The following TFDP2 variants were observed in gnomAD, a reference collection of about 807,000 sequenced individuals.
TFDP2 encodes transcription factor Dp-2 (E2F dimerization partner 2).
In TFDP2, 17 loss-of-function variants were observed where a neutral mutation model predicts 59.3. The observed-to-expected ratio is 0.29, with a 90% CI of 0.20 to 0.43. The LOEUF (loss-of-function observed/expected upper bound fraction) is 0.43, where lower values mean the gene tolerates loss of function less well. Ranked by LOEUF, TFDP2 falls within the 20% of genes least tolerant of loss-of-function variation. The pLI, the probability that TFDP2 is intolerant of heterozygous loss-of-function variation, is 1.00. For missense variants in TFDP2, 391 were observed against 528.8 expected (o/e 0.74, Z 2.56); for synonymous variants, 180 against 194.7 (o/e 0.92, Z 0.63).
At chr3:141,959,415 G>A (rs978318212) in intron 11 of TFDP2, among the ~76,000 whole-genome samples, 6 of 152,132 alleles carry the variant, frequency 3.9e-5, no homozygotes, top group African/African-American at 1.4e-4. Flanking sequence ...TCTCTCTGAA[G>A]AGCCAAATTC....
At chr3:142,023,623 C>T (rs1372106825) in intron 3 of TFDP2, among the ~76,000 whole-genome samples, 2 of 152,124 alleles carry the variant, frequency 1.3e-5, no homozygotes, top group African/African-American at 4.8e-5. Context: ...TTTATAATAC[C>T]ATGCACTAAG....
intron 6 of TFDP2, among the ~76,000 whole-genome samples, chr3:141,992,056 AG>A (rs1942835612): frequency 6.7e-6 from 1 of 148,198 alleles, no homozygotes. Context: ...AAAAAAAAAA[AG>A]AAAGAAAAGA....
intron 3 of TFDP2, among the ~76,000 whole-genome samples, chr3:142,074,704 T>C (rs1398327160): frequency 6.6e-6 from 1 of 151,622 alleles, no homozygotes; most frequent in Non-Finnish European, 1.5e-5. Flanking sequence ...ATACAAAAAT[T>C]AGCCAGGCAT....
intron 1 of TFDP2, among the ~76,000 whole-genome samples, chr3:142,110,086 A>T (rs1459994975): frequency 6.6e-6 from 1 of 151,866 alleles, no homozygotes; most frequent in African/African-American, 2.4e-5. Flanking sequence ...GTTTCGCCAC[A>T]TTGCCCAGGC....
intron 1 of TFDP2, among the ~76,000 whole-genome samples, chr3:142,102,768 A>G (rs2061352513): frequency 6.6e-6 from 1 of 152,232 alleles, no homozygotes; most frequent in Admixed American, 6.5e-5. Context: ...TGAGATGGAT[A>G]CAGCATGAAT....
At chr3:141,969,939 G>A in intron 9 of TFDP2, 134 bp downstream of exon 9, 2 of 800,912 alleles carry the variant, frequency 2.5e-6, no homozygotes, top group Non-Finnish European at 2.2e-6. Context: ...AACAAGCTAG[G>A]AGGTGAGAGA....
chr3:141,987,135 C>G (rs1942182197), intron 6 of TFDP2, among the ~76,000 whole-genome samples: 1 of 152,126 alleles, frequency 6.6e-6, no homozygotes, highest in South Asian at 2.1e-4. Flanking sequence ...TGTTTCTTGG[C>G]TTACTGCACT....
chr3:141,996,297 G>A (rs539451613), intron 4 of TFDP2, among the ~76,000 whole-genome samples: 141 of 152,246 alleles, frequency 9.3e-4, no homozygotes, highest in African/African-American at 3.3e-3. Context: ...GGCATGCTCC[G>A]GTGAATGGGG....
At chr3:142,093,861 C>T in intron 2 of TFDP2, 1 of 393,890 alleles carries the variant, frequency 2.5e-6, no homozygotes, top group Non-Finnish European at 5.1e-6. Context: ...CAGTACTTAG[C>T]AATTCAGGTT....
Position 142,095,954 on chromosome 3 carries a change from C to G in TFDP2, c.16-2827G>C, listed in dbSNP as rs1032386202. ...TTATACCTTTTTGTTATTATACAAC[C>G]TCAACTAAACCTCAAAAACCTCAAC... On this transcript the variant is annotated intron_variant, in intron 2 of 12. Coordinates refer to ENST00000489671, the MANE Select transcript of TFDP2 (RefSeq NM_001178139.2). Among the ~76,000 whole-genome samples the G allele has an allele frequency of 4.0e-4, 61 of 152,038 alleles. 1 individual carries two copies. Among genetic ancestry groups the G allele is most frequent in the African/African-American group, 1.4e-3 (60 of 41,398 alleles).
intron 4 of TFDP2, among the ~76,000 whole-genome samples, chr3:141,996,445 C>T (rs537632940): frequency 1.4e-4 from 21 of 152,294 alleles, no homozygotes; most frequent in African/African-American, 4.8e-4. Flanking sequence ...AAAATATCTA[C>T]AGGGACTACA....
intron 3 of TFDP2, among the ~76,000 whole-genome samples, chr3:142,020,477 G>GTGAGCCGAGA (rs1271055673): frequency 6.6e-6 from 1 of 151,406 alleles, no homozygotes; most frequent in Non-Finnish European, 1.5e-5. Context: ...GGAGGTTGCG[G>GTGAGCCGAGA]TGAGCCGAGA....
At chr3:142,040,296 A>T (rs187317902) in intron 3 of TFDP2, among the ~76,000 whole-genome samples, 45 of 152,348 alleles carry the variant, frequency 3.0e-4, no homozygotes, top group African/African-American at 1.1e-3. Flanking sequence ...ACTTCAAAAG[A>T]TAACTAATAT....
At chr3:141,977,774 G>A (rs1940919373) in intron 7 of TFDP2, among the ~76,000 whole-genome samples, 1 of 151,678 alleles carries the variant, frequency 6.6e-6, no homozygotes, top group Non-Finnish European at 1.5e-5. Flanking sequence ...ACAGTGGTGC[G>A]ATCTTGGCTT....
At chr3:142,108,863 T>A (rs2061561037) in intron 1 of TFDP2, among the ~76,000 whole-genome samples, 1 of 152,176 alleles carries the variant, frequency 6.6e-6, no homozygotes, top group South Asian at 2.1e-4. Context: ...CTCAAGGGCC[T>A]CTGTACATGC....
chr3:142,140,670 G>A (rs920410906), intron 1 of TFDP2, among the ~76,000 whole-genome samples: 9 of 152,174 alleles, frequency 5.9e-5, no homozygotes, highest in South Asian at 2.1e-4. Context: ...TCCAGACCCC[G>A]TTTGCCTGGG....
At chr3:141,954,579 G>C (rs1936338062) in intron 11 of TFDP2, among the ~76,000 whole-genome samples, 1 of 151,916 alleles carries the variant, frequency 6.6e-6, no homozygotes, top group Non-Finnish European at 1.5e-5. Flanking sequence ...GGAGGTTGCA[G>C]TGAGCTGAGA....
intron 5 of TFDP2, 86 bp from the exon 6 acceptor site, chr3:141,993,671 A>T: frequency 1.4e-6 from 1 of 717,364 alleles, no homozygotes; most frequent in South Asian, 2.2e-5. Flanking sequence ...CTTGTCTAAA[A>T]TTATACACTG....
intron 1 of TFDP2, among the ~76,000 whole-genome samples, chr3:142,148,930 G>A (rs1386401759): frequency 6.6e-6 from 1 of 152,220 alleles, no homozygotes; most frequent in Non-Finnish European, 1.5e-5. Context: ...TCTTCCACGA[G>A]GCGTGACTCA....
Sources: allele counts gnomAD v4.1 joint callset (sites outside exome capture counted in the v4.1 genomes callset), GRCh38; gene constraint gnomAD v4.1.1; transcripts MANE v1.5; gene names NCBI Gene and HGNC (gene_info 2026-07-23, HGNC 2026-07-21).